RAB23: variants seen among roughly 807,000 people sequenced by gnomAD.
RAB23 encodes RAB23, member RAS oncogene family.
A neutral mutation model predicts 30.0 loss-of-function variants in RAB23; 15 were observed. That is an observed-to-expected ratio of 0.50 (90% CI 0.33 to 0.77). The LOEUF is 0.77. RAB23 is among the 30% of genes least tolerant of loss of function. The pLI is 0.02. For synonymous variants in RAB23, 93 were observed against 94.0 expected, an observed-to-expected ratio of 0.99 and a Z score of 0.06; for missense variants, 243 against 275.4, an observed-to-expected ratio of 0.88 and a Z score of 0.83.
At position 57,210,189 on chromosome 6, in the gene RAB23, A is replaced by G. The variant is rs371843187; in HGVS notation, c.155+37T>C. 2.0e-5 allele frequency: 32 copies of G among 1,601,356 alleles called. No individual in the cohort carries two copies. The African/African-American group carries it at 4.0e-4, about 20-fold the overall frequency. ...CAATGAGTCTTGGATATAGTTCACA[A>G]ATCAAAGCCAAAGGAATAAAATGGC... On this transcript the variant is annotated intron_variant, in intron 2 of 6. Transcript: ENST00000468148.
At position 57,212,338 on chromosome 6, in the gene RAB23, G is replaced by A. The variant is rs532638232; in HGVS notation, c.-65-1893C>T. On this transcript the variant is annotated intron_variant, in intron 1 of 6. Coordinates refer to ENST00000468148, the MANE Select transcript of RAB23 (RefSeq NM_016277.5). ...TTTCAGAAATGCACTGCAGTCTGGA[G>A]CTCTTTCCACCCCATCTTTCTTTAT... Among the ~76,000 whole-genome samples, 7 of 152,278 alleles carry A rather than the reference G, an allele frequency of 4.6e-5. No homozygotes were observed. The South Asian group carries it at 1.5e-3, about 32-fold the overall frequency.
intron 1 of RAB23, among the ~76,000 whole-genome samples, chr6:57,215,196 A>G (rs1338492827): frequency 6.6e-6 from 1 of 152,226 alleles, no homozygotes; most frequent in Non-Finnish European, 1.5e-5. Context: ...TATTTCTGTC[A>G]TTGGAGTTCC....
intron 6 of RAB23, among the ~76,000 whole-genome samples, chr6:57,193,203 G>GAA (rs797002803): frequency 3.0e-4 from 39 of 130,712 alleles, no homozygotes; most frequent in African/African-American, 9.8e-4. Flanking sequence ...GGCAAAGGCA[G>GAA]AAAAAAAAAA....
Position 57,189,668 on chromosome 6 carries a change from G to A in RAB23, c.*793C>T, listed in dbSNP as rs1181667811. ...TTATCTACGCTGTCAGATGAAAACT[G>A]CTTACTGCTTTTAAAAGATATAATA... On this transcript the variant is annotated 3_prime_UTR_variant, in exon 7 of 7. Coordinates refer to ENST00000468148, the MANE Select transcript of RAB23 (RefSeq NM_016277.5). 1 of 152,528 alleles carries A rather than the reference G, an allele frequency of 6.6e-6. No individual in the cohort carries two copies. The highest frequency in any genetic ancestry group is 2.4e-5 in the African/African-American group (1 of 41,388). The allele number at this position is 152,528 out of a possible 1,614,324, so 9.4% of individuals were successfully genotyped here.
rs533125857 is a variant in RAB23, at chr6:57,194,866, T to TA, written c.399-15dup. 1.4e-4 allele frequency: 225 copies of TA among 1,582,984 alleles called. No homozygotes were observed. The highest frequency in any genetic ancestry group is 1.6e-4 in the African/African-American group (12 of 74,108). ...TCAGCTTCCTCACTGCACATCAATT[T>TA]AAAAAAAAATGCTTTACAAAGGTGC... On this transcript the variant is annotated splice_polypyrimidine_tract_variant and intron_variant, in intron 4 of 6. Coordinates refer to ENST00000468148, the MANE Select transcript of RAB23 (RefSeq NM_016277.5).
At position 57,189,202 on chromosome 6, in the gene RAB23, A is replaced by AAAT. The variant is rs1314371560; in HGVS notation, c.*1256_*1258dup. On this transcript the variant is annotated 3_prime_UTR_variant, in exon 7 of 7. Transcript: ENST00000468148. ...TACATATTAAATCATTTTGTAAAAG[A>AAAT]AATGATTCTGTATGTGGGACTGACA... The AAAT allele has an allele frequency of 6.6e-6, 1 of 151,486 alleles. No homozygotes were observed. The highest frequency in any genetic ancestry group is 2.5e-5 in the African/African-American group (1 of 40,764). The allele number at this position is 151,486 out of a possible 1,614,324, so 9.4% of individuals were successfully genotyped here. A position where few individuals can be genotyped will look rare whatever the true frequency, so the allele number is the denominator to read the frequency against.
In RAB23 at chr6:57,188,782, ATTTACT is replaced by A. The variant is rs1310212295; in HGVS notation, c.*1673_*1678del. On this transcript the variant is annotated 3_prime_UTR_variant, in exon 7 of 7. Coordinates refer to ENST00000468148, the MANE Select transcript of RAB23 (RefSeq NM_016277.5). ...CATTTCAATATAATGAAAAGCAAAA[ATTTACT>A]TTTTAATTTTTTTTATTTTTCCATC... 3 of 152,220 alleles carry A rather than the reference ATTTACT, an allele frequency of 2.0e-5. No homozygotes were observed. The highest frequency in any genetic ancestry group is 7.2e-5 in the African/African-American group (3 of 41,446). 9.4% of individuals were successfully genotyped at this position (152,220 alleles called of 1,614,324 possible).
intron 5 of RAB23, among the ~76,000 whole-genome samples, 198 bp downstream of exon 5, chr6:57,194,572 G>A (rs577312606): frequency 1.1e-4 from 17 of 151,864 alleles, no homozygotes; most frequent in Non-Finnish European, 2.1e-4. Context: ...AAAACCTTAC[G>A]AGGATGAAAA....
At chr6:57,202,432 TATTGCA>T (rs1416142176) in intron 3 of RAB23, among the ~76,000 whole-genome samples, 1 of 152,126 alleles carries the variant, frequency 6.6e-6, no homozygotes, top group Non-Finnish European at 1.5e-5. Flanking sequence ...TTCCTCTCAT[TATTGCA>T]ATCAGGTCAA....
intron 1 of RAB23, among the ~76,000 whole-genome samples, chr6:57,213,611 A>G (rs1593226592): frequency 6.6e-6 from 1 of 152,322 alleles, no homozygotes; most frequent in Non-Finnish European, 1.5e-5. Context: ...GAAATGATAC[A>G]CATTTTTCCC....
chr6:57,204,530 C>G (rs1047837145), intron 3 of RAB23, among the ~76,000 whole-genome samples: 43 of 152,238 alleles, frequency 2.8e-4, no homozygotes, highest in African/African-American at 1.0e-3. Context: ...TAATTCATAA[C>G]TGCTTCCATA....
chr6:57,202,672 T>C (rs183943097), intron 3 of RAB23, among the ~76,000 whole-genome samples: 39 of 152,278 alleles, frequency 2.6e-4, no homozygotes, highest in African/African-American at 8.4e-4. Context: ...CTAAAAGGGA[T>C]GCTATTTCCA....
chr6:57,193,693 T>C (rs1764920548), intron 6 of RAB23, 149 bp downstream of exon 6: 5 of 1,127,340 alleles, frequency 4.4e-6, no homozygotes, highest in East Asian at 5.4e-5. Context: ...TAACACAATA[T>C]ACCTTTTAAC....
chr6:57,217,615 C>G (rs746009054), intron 1 of RAB23, among the ~76,000 whole-genome samples: 1 of 151,800 alleles, frequency 6.6e-6, no homozygotes, highest in African/African-American at 2.4e-5. Context: ...GCCTAAGATA[C>G]GAAAATTTAG....
intron 1 of RAB23, among the ~76,000 whole-genome samples, chr6:57,215,896 C>T (rs138976121): frequency 5.9e-5 from 9 of 152,166 alleles, no homozygotes; most frequent in African/African-American, 1.9e-4. Context: ...AAGGGAGGTA[C>T]GGGTTCCACA....
intron 6 of RAB23, among the ~76,000 whole-genome samples, chr6:57,191,945 C>T (rs569099604): frequency 1.3e-5 from 2 of 151,794 alleles, no homozygotes; most frequent in African/African-American, 4.8e-5. Context: ...CTCCTGGGCT[C>T]CAGCAGTCCT....
intron 3 of RAB23, among the ~76,000 whole-genome samples, chr6:57,202,908 G>C (rs1305386120): frequency 6.6e-6 from 1 of 150,694 alleles, no homozygotes; most frequent in African/African-American, 2.4e-5. Context: ...TTTAGAAAAA[G>C]AAGACGCTGA....
intron 2 of RAB23, among the ~76,000 whole-genome samples, chr6:57,209,876 A>AT (rs752459162): frequency 5.9e-5 from 9 of 152,230 alleles, no homozygotes; most frequent in Non-Finnish European, 8.8e-5. Flanking sequence ...AAACGAGCCC[A>AT]TAATATAACT....
At chr6:57,191,650 G>C (rs1232053347) in intron 6 of RAB23, among the ~76,000 whole-genome samples, 7 of 151,884 alleles carry the variant, frequency 4.6e-5, no homozygotes, top group Non-Finnish European at 1.0e-4. Flanking sequence ...GGCTTTCACC[G>C]TGTTACCCAG....
Sources: gnomAD v4.1 joint callset for allele counts (sites outside exome capture counted in the v4.1 genomes callset) on GRCh38, gnomAD v4.1.1 for gene constraint, MANE v1.5 for transcripts, NCBI Gene and HGNC (gene_info 2026-07-23, HGNC 2026-07-21) for gene names.